Variants in ZNF75A observed in about 807,000 individuals in gnomAD.
The protein encoded by ZNF75A is zinc finger protein 75A.
ZNF75A carries 36 observed loss-of-function variants against 46.3 expected under a neutral mutation model. The ratio of observed to expected loss-of-function variants is 0.78; its 90% CI spans 0.60 to 1.03. The LOEUF (loss-of-function observed/expected upper bound fraction) is 1.03, where lower values mean the gene tolerates loss of function less well. Among genes scored for constraint, ZNF75A ranks in the 50% least tolerant of loss-of-function variants. The pLI, the probability that ZNF75A is intolerant of heterozygous loss-of-function variation, is 0.00. For missense variants in ZNF75A, 595 were observed against 551.3 expected (o/e 1.08, Z -0.79); for synonymous variants, 234 against 189.9 (o/e 1.23, Z -1.91).
chr16:3,321,962 G>T (rs750881774), downstream of ZNF75A, among the ~76,000 whole-genome samples: 15 of 152,186 alleles, frequency 9.9e-5, no homozygotes, highest in Admixed American at 4.6e-4. Flanking sequence ...AAAGATGGGA[G>T]TTCATAAAGG....
downstream of ZNF75A, chr16:3,318,995 T>A: frequency 1.0e-5 from 3 of 298,518 alleles, no homozygotes; most frequent in Non-Finnish European, 1.5e-5. Flanking sequence ...AAAGTCTGTA[T>A]AGCCTATGGA....
intron 6 of ZNF75A, 54 bp from the exon 7 acceptor site, chr16:3,317,135 TC>T: frequency 6.4e-7 from 1 of 1,551,846 alleles, no homozygotes; most frequent in African/African-American, 1.4e-5. Context: ...TTCTTTTTAT[TC>T]CTGTGATTTG....
downstream of ZNF75A, among the ~76,000 whole-genome samples, chr16:3,319,143 C>T (rs527257428): frequency 2.0e-4 from 30 of 152,020 alleles, no homozygotes; most frequent in Admixed American, 3.9e-4. Context: ...GACAGAGTTT[C>T]GCTCTTGTCA....
At chr16:3,307,189 A>C (rs1430360302) in intron 1 of ZNF75A, 1 of 152,214 alleles carries the variant, frequency 6.6e-6, no homozygotes, top group Non-Finnish European at 1.5e-5. Flanking sequence ...GTCTCAGGTG[A>C]TCCACCCACG....
At position 3,318,016 on chromosome 16, in the gene ZNF75A, A is replaced by G. The variant is rs531997393; in HGVS notation, c.*147A>G. The G allele has an allele frequency of 3.4e-5, 49 of 1,421,190 alleles. 1 individual carries two copies. In the South Asian group the frequency reaches 5.0e-4, roughly 14 times the overall value. 88.0% of individuals were successfully genotyped at this position (1,421,190 alleles called of 1,614,324 possible). A position where few individuals can be genotyped will look rare whatever the true frequency, so the allele number is the denominator to read the frequency against. ...ATACATTTCACAGAAAATAATCAAG[A>G]CTTGCTCTGCAGCCACTCAGTAGTC... On this transcript the variant is annotated 3_prime_UTR_variant, in exon 7 of 7. Transcript: ENST00000669516.
Position 3,312,823 on chromosome 16 carries a change from A to T in ZNF75A, c.696+55A>T, listed in dbSNP as rs1210124578. ...TACCTTTCTCTGCTATGTATGATTA[A>T]TACTGTCCAGGAGGGGTTCAGAGGT... is the stretch of plus-strand genomic sequence containing the variant. On this transcript the variant is annotated intron_variant, in intron 4 of 6. Transcript: ENST00000669516. The T allele has an allele frequency of 1.2e-5, 14 of 1,197,032 alleles. No individual in the cohort carries two copies. In the Admixed American group the frequency reaches 3.4e-4, roughly 29 times the overall value. 74.2% of individuals were successfully genotyped at this position (1,197,032 alleles called of 1,614,324 possible).
chr16:3,315,795 T>A (rs1034909730), intron 5 of ZNF75A, among the ~76,000 whole-genome samples: 1 of 152,192 alleles, frequency 6.6e-6, no homozygotes, highest in Admixed American at 6.5e-5. Flanking sequence ...TGTGGTTACT[T>A]CCTAACCATA....
chr16:3,314,275 A>G (rs1250632303), intron 5 of ZNF75A, among the ~76,000 whole-genome samples: 1 of 152,236 alleles, frequency 6.6e-6, no homozygotes, highest in Non-Finnish European at 1.5e-5. Context: ...TAGAAACAAG[A>G]GAAATATCCT....
chr16:3,306,656 G>T (rs1960277173), intron 1 of ZNF75A: 1 of 151,972 alleles, frequency 6.6e-6, no homozygotes, highest in Admixed American at 6.6e-5. Context: ...AAGTTGCAGT[G>T]AGCTGAGATC....
rs56313873 is a variant in ZNF75A at position 3,315,733 on chromosome 16, C to A, written c.824-1179C>A. On this transcript the variant is annotated intron_variant, in intron 5 of 6. Coordinates refer to ENST00000669516, the MANE Select transcript of ZNF75A (RefSeq NM_001302109.2). ...GTCTGTTTTCTACACAGAACCCCAA[C>A]TGATTTTTTGAAAACCTGATCAGAT... Among the ~76,000 whole-genome samples the A allele has an allele frequency of 3.8e-3, 576 of 152,158 alleles. 4 individuals carry two copies. The highest frequency in any genetic ancestry group is 0.013 in the African/African-American group (536 of 41,500).
chr16:3,322,279 T>A (rs1263011256), downstream of ZNF75A, among the ~76,000 whole-genome samples: 2 of 152,192 alleles, frequency 1.3e-5, no homozygotes, highest in African/African-American at 4.8e-5. Flanking sequence ...TTTCTACACC[T>A]GTCACTTTTT....
Position 3,318,202 on chromosome 16 carries a change from C to G in ZNF75A, c.*333C>G. On this transcript the variant is annotated 3_prime_UTR_variant, in exon 7 of 7. Coordinates refer to ENST00000669516, the MANE Select transcript of ZNF75A (RefSeq NM_001302109.2). ...ATTCTCTTCACAGTAGCAGGCTTAC[C>G]AATTTCCATAGTCTCATGAGGCCGA... 2 of 1,031,486 alleles carry G rather than the reference C, an allele frequency of 1.9e-6. No individual in the cohort carries two copies. Among genetic ancestry groups the G allele is most frequent in the Non-Finnish European group, 2.3e-6 (2 of 860,508 alleles). The allele number at this position is 1,031,486 out of a possible 1,614,324, so 63.9% of individuals were successfully genotyped here. A position where few individuals can be genotyped will look rare whatever the true frequency, so the allele number is the denominator to read the frequency against.
chr16:3,318,915 C>T, downstream of ZNF75A: 4 of 869,396 alleles, frequency 4.6e-6, no homozygotes, highest in Non-Finnish European at 4.1e-6. Flanking sequence ...CCTGTAAGCT[C>T]TACCTGTCTT....
chr16:3,317,622 A>T lies in ZNF75A; in HGVS notation c.1367A>T (p.Lys456Ile). Residue 456 changes from lysine to isoleucine, a missense_variant, in exon 7 of 7, where the codon AAA (lysine) becomes ATA (isoleucine). Transcript: ENST00000669516. ...NKHLTTHQGIKPYKCSWCGKS... is the reference protein window; with the variant it reads ...NKHLTTHQGIIPYKCSWCGKS... Reference sequence around the variant, plus strand: ...CACTTAACAACACACCAAGGAATAAAACCATATAAATGTTCATGGTGTGGG... The same window carrying T: ...CACTTAACAACACACCAAGGAATAATACCATATAAATGTTCATGGTGTGGG... 2 of 1,614,170 alleles carry T rather than the reference A, an allele frequency of 1.2e-6. No individual in the cohort carries two copies. The highest frequency in any genetic ancestry group is 1.7e-6 in the Non-Finnish European group (2 of 1,180,012).
chr16:3,313,883 A>T (rs1453681495), intron 5 of ZNF75A, among the ~76,000 whole-genome samples: 1 of 152,162 alleles, frequency 6.6e-6, no homozygotes, highest in Admixed American at 6.5e-5. Context: ...GCCCTTGCTC[A>T]GTCCTCACCA....
chr16:3,305,993 C>G (rs915923378), intron 1 of ZNF75A: 2 of 152,256 alleles, frequency 1.3e-5, no homozygotes, highest in African/African-American at 4.8e-5. Flanking sequence ...TTTCCGTGTC[C>G]GGCCGATGTC....
chr16:3,315,432 T>TG (rs1444595683), intron 5 of ZNF75A, among the ~76,000 whole-genome samples: 1 of 152,146 alleles, frequency 6.6e-6, no homozygotes, highest in Non-Finnish European at 1.5e-5. Context: ...CCTGACCTTG[T>TG]GATCCACCTG....
rs545110163 is a variant in ZNF75A at position 3,305,546 on chromosome 16, G to T, written c.-214G>T. On this transcript the variant is annotated 5_prime_UTR_variant, in exon 1 of 7. Coordinates refer to ENST00000669516, the MANE Select transcript of ZNF75A (RefSeq NM_001302109.2). ...GCTGCGGTAGGCCAGCGGTGGGCTG[G>T]CGGTTGCGCTCCTCAGATCGGCGGC... 1 of 152,308 alleles carries T rather than the reference G, an allele frequency of 6.6e-6. No homozygotes were observed. The highest frequency in any genetic ancestry group is 1.5e-5 in the Non-Finnish European group (1 of 68,112). The allele number at this position is 152,308 out of a possible 1,614,324, so 9.4% of individuals were successfully genotyped here. A position where few individuals can be genotyped will look rare whatever the true frequency, so the allele number is the denominator to read the frequency against.
downstream of ZNF75A, chr16:3,318,896 C>T: frequency 1.1e-6 from 1 of 924,890 alleles, no homozygotes; most frequent in Non-Finnish European, 1.3e-6. Flanking sequence ...CCATGTTGTT[C>T]TGTCCTGTCC....
Sources: gnomAD v4.1 joint callset for allele counts (sites outside exome capture counted in the v4.1 genomes callset) on GRCh38, gnomAD v4.1.1 for gene constraint, MANE v1.5 for transcripts, NCBI Gene and HGNC (gene_info 2026-07-23, HGNC 2026-07-21) for gene names.